NR4A3: variants seen among roughly 807,000 people sequenced by gnomAD.
NR4A3 encodes the protein chondrosarcoma, extraskeletal myxoid, fused to EWS.
In NR4A3, 13 loss-of-function variants were observed where a neutral mutation model predicts 55.6. That is an observed-to-expected ratio of 0.23 (90% CI 0.15 to 0.37). NR4A3 has a LOEUF of 0.37. NR4A3 is among the 10% of genes least tolerant of loss of function. The probability of loss-of-function intolerance (pLI) is 1.00; values close to 1 mark genes in which losing one functional copy is unlikely to be tolerated. For synonymous variants in NR4A3, 342 were observed against 357.9 expected (o/e 0.96, Z 0.50); for missense variants, 646 against 822.8 (o/e 0.79, Z 2.63).
Position 99,833,389 on chromosome 9 carries a change from T to A in NR4A3, c.1189T>A (p.Cys397Ser). ...SQPSPPSPPI[C>S]MMNALVRALT... is the part of the protein sequence containing the mutation. Reference sequence around the variant, plus strand: ...GCCCTCTCCACCTTCTCCTCCAATCTGCATGATGAATGCCCTTGTCCGAGC... The same window carrying A: ...GCCCTCTCCACCTTCTCCTCCAATCAGCATGATGAATGCCCTTGTCCGAGC... Residue 397 changes from cysteine to serine, a missense_variant, in exon 5 of 8, where the codon TGC becomes AGC. Cys to Ser is a moderately radical substitution (Grantham distance 112). Around this residue, in one of 5 missense-constraint regions of NR4A3, gnomAD observed 163 missense variants for 233.0 expected, o/e 0.70. Coordinates refer to ENST00000395097, the MANE Select transcript of NR4A3 (RefSeq NM_006981.4). 6.2e-7 allele frequency: 1 copy of A among 1,614,130 alleles called. No homozygotes were observed. The highest frequency in any genetic ancestry group is 8.5e-7 in the Non-Finnish European group (1 of 1,179,986).
intron 3 of NR4A3, among the ~76,000 whole-genome samples, 172 bp downstream of exon 3, chr9:99,829,165 A>G (rs1261164495): frequency 2.0e-5 from 3 of 152,032 alleles, no homozygotes; most frequent in African/African-American, 4.8e-5. Context: ...GGGGCTTTCT[A>G]CTGAGGTCCA....
chr9:99,848,403 G>C (rs923938891), intron 7 of NR4A3, among the ~76,000 whole-genome samples: 1 of 152,144 alleles, frequency 6.6e-6, no homozygotes, highest in Admixed American at 6.5e-5. Flanking sequence ...GGAGTGCAAT[G>C]ATGTGATCTT....
At chr9:99,841,181 A>G (rs1827644040) in intron 5 of NR4A3, among the ~76,000 whole-genome samples, 1 of 151,916 alleles carries the variant, frequency 6.6e-6, no homozygotes, top group African/African-American at 2.4e-5. Context: ...CAGTGAGCCA[A>G]AATCATGCCA....
chr9:99,824,282 G>C (rs550081598), intron 1 of NR4A3, among the ~76,000 whole-genome samples: 1 of 152,294 alleles, frequency 6.6e-6, no homozygotes, highest in African/African-American at 2.4e-5. Context: ...GGCGGTCCCC[G>C]CCCACCCGAG....
At chr9:99,823,687 T>C (rs1827228352) in intron 1 of NR4A3, among the ~76,000 whole-genome samples, 1 of 152,122 alleles carries the variant, frequency 6.6e-6, no homozygotes, top group South Asian at 2.1e-4. Context: ...CTCGCAGAGT[T>C]AGTATCAAAG....
In NR4A3 at chr9:99,832,686, C is replaced by A; in HGVS notation, c.952-3C>A. On this transcript the variant is annotated splice_region_variant and splice_polypyrimidine_tract_variant and intron_variant, in intron 3 of 7. Coordinates refer to ENST00000395097, the MANE Select transcript of NR4A3 (RefSeq NM_006981.4). ...TTGACTATCTTGTATTATATTTTCT[C>A]AGAGAACAGTGCAGAAAAATGCAAA... 6.3e-7 allele frequency: 1 copy of A among 1,587,512 alleles called. No individual in the cohort carries two copies. The highest frequency in any genetic ancestry group is 8.6e-7 in the Non-Finnish European group (1 of 1,162,332).
chr9:99,861,903 C>A (rs1168958223), intron 7 of NR4A3, among the ~76,000 whole-genome samples: 1 of 151,870 alleles, frequency 6.6e-6, no homozygotes, highest in Non-Finnish European at 1.5e-5. Flanking sequence ...CCAGCCTGGG[C>A]AACATAGTGA....
intron 2 of NR4A3, among the ~76,000 whole-genome samples, chr9:99,827,448 T>C (rs1827323734): frequency 6.6e-6 from 1 of 152,136 alleles, no homozygotes; most frequent in Non-Finnish European, 1.5e-5. Flanking sequence ...GCTAGCCCTA[T>C]TGGAAGAGTG....
intron 7 of NR4A3, among the ~76,000 whole-genome samples, chr9:99,852,618 C>T (rs749550733): frequency 2.0e-5 from 3 of 152,296 alleles, no homozygotes; most frequent in Admixed American, 6.5e-5. Context: ...ATCTCAAGTG[C>T]TCAAATGCCA....
At chr9:99,826,907 G>A in intron 2 of NR4A3, 1 of 1,178,660 alleles carries the variant, frequency 8.5e-7, no homozygotes, top group South Asian at 1.4e-5. Context: ...TTTTCCTTTG[G>A]CTCAGAAAAA....
chr9:99,828,626 C>T lies in NR4A3; in HGVS notation c.584C>T (p.Pro195Leu), dbSNP rs1827366977. ...CGCTTCCCGCTCTTCCACTTCAAGC[C>T]CTCGCCGCCGCATCCCCCCGCGCCC... ...GARFPLFHFK[P>L]SPPHPPAPSP... The change falls in exon 3 of 8, where the codon CCC (proline) becomes CTC (leucine). Residue 195 changes from proline (P) to leucine (L), a missense_variant. By Grantham distance (98) the Pro-to-Leu change is moderately conservative. This residue lies in a region of NR4A3 where 426 missense variants were observed against 429.4 expected (regional missense o/e 0.99). Transcript: ENST00000395097. This position sits in a 1 kb window ranked among gnomAD's most constrained non-coding sequence, Gnocchi z 7.7. 6.7e-7 allele frequency: 1 copy of T among 1,483,182 alleles called. No individual in the cohort carries two copies. The highest frequency in any genetic ancestry group is 8.9e-7 in the Non-Finnish European group (1 of 1,126,810). 91.9% of individuals were successfully genotyped at this position (1,483,182 alleles called of 1,614,324 possible). A position where few individuals can be genotyped will look rare whatever the true frequency, so the allele number is the denominator to read the frequency against.
In NR4A3 at chr9:99,863,957, G is replaced by C. The variant is rs1231690677; in HGVS notation, c.*90G>C. The C allele has an allele frequency of 2.3e-5, 33 of 1,426,564 alleles. No homozygotes were observed. The highest frequency in any genetic ancestry group is 2.2e-4 in the South Asian group (16 of 72,880). 88.4% of individuals were successfully genotyped at this position (1,426,564 alleles called of 1,614,324 possible). On this transcript the variant is annotated 3_prime_UTR_variant, in exon 8 of 8. Coordinates refer to ENST00000395097, the MANE Select transcript of NR4A3 (RefSeq NM_006981.4). ...TAGGTTTGGAAACCTATCATTTCCT[G>C]TCCTTCCTTAAGAGGAAAAGCAGCT...
chr9:99,823,275 G>A (rs1350801443), intron 1 of NR4A3, among the ~76,000 whole-genome samples: 2 of 142,064 alleles, frequency 1.4e-5, no homozygotes, highest in Non-Finnish European at 3.1e-5. Context: ...AGACGAGAGC[G>A]GTCATGCGAG....
At position 99,828,096 on chromosome 9, in the gene NR4A3, G is replaced by C. The variant is rs546710870; in HGVS notation, c.54G>C (p.Ala18=). The change falls in exon 3 of 8, where the codon GCG becomes GCC. Residue 18 remains alanine (A), a synonymous_variant. Coordinates refer to ENST00000395097, the MANE Select transcript of NR4A3 (RefSeq NM_006981.4). This position sits in a 1 kb window ranked among gnomAD's most constrained non-coding sequence, Gnocchi z 7.7. ...CTTCCCCTCCAGGTTCCAGTTATGC[G>C]GCGCAGACATACAGCTCGGAATACA... is the stretch of plus-strand genomic sequence containing the variant. ...YSPSPPGSSY[A]AQTYSSEYTT... 3.1e-6 allele frequency: 5 copies of C among 1,614,052 alleles called. No individual in the cohort carries two copies. The highest frequency in any genetic ancestry group is 2.7e-5 in the African/African-American group (2 of 74,958).
At chr9:99,843,255 T>C (rs1039521292) in intron 5 of NR4A3, among the ~76,000 whole-genome samples, 1 of 152,252 alleles carries the variant, frequency 6.6e-6, no homozygotes, top group South Asian at 2.1e-4. Context: ...CATTTGGCCA[T>C]TGAACACTTG....
At chr9:99,851,785 G>C (rs1295004265) in intron 7 of NR4A3, among the ~76,000 whole-genome samples, 1 of 152,188 alleles carries the variant, frequency 6.6e-6, no homozygotes, top group African/African-American at 2.4e-5. Context: ...AATCTGGTGG[G>C]ATACCAATGA....
chr9:99,841,979 T>A (rs1016253110), intron 5 of NR4A3, among the ~76,000 whole-genome samples: 5 of 151,550 alleles, frequency 3.3e-5, no homozygotes, highest in East Asian at 3.9e-4. Context: ...CAAAAAAAAA[T>A]TTTTTTTGAG....
intron 6 of NR4A3, among the ~76,000 whole-genome samples, chr9:99,845,527 T>C (rs1418500710): frequency 6.6e-6 from 1 of 152,260 alleles, no homozygotes; most frequent in Non-Finnish European, 1.5e-5. Context: ...CCTGTTTAAC[T>C]CCATCTTCCT....
At chr9:99,841,405 C>T (rs1827648563) in intron 5 of NR4A3, among the ~76,000 whole-genome samples, 1 of 152,138 alleles carries the variant, frequency 6.6e-6, no homozygotes, top group Admixed American at 6.5e-5. Context: ...AGCCAGGGCT[C>T]TGAACTGGAC....
Sources: gnomAD v4.1 joint callset for allele counts (sites outside exome capture counted in the v4.1 genomes callset) on GRCh38, gnomAD v4.1.1 for gene constraint, gnomAD v4.1.1 regional missense constraint, Gnocchi (gnomAD v3.1) non-coding constraint, MANE v1.5 for transcripts, NCBI Gene and HGNC (gene_info 2026-07-23, HGNC 2026-07-21) for gene names.